The following PNPLA7 variants were observed in gnomAD, a reference collection of about 807,000 sequenced individuals.
PNPLA7 encodes the protein patatin-like phospholipase domain-containing protein 7.
In PNPLA7, 153 loss-of-function variants were observed where a neutral mutation model predicts 161.7. That is an observed-to-expected ratio of 0.95 (90% CI 0.83 to 1.08). The LOEUF (loss-of-function observed/expected upper bound fraction) is 1.08, where lower values mean the gene tolerates loss of function less well. Among genes scored for constraint, PNPLA7 ranks in the 50% least tolerant of loss-of-function variants. The pLI is 0.00. For synonymous variants in PNPLA7, 809 were observed against 782.1 expected (o/e 1.03, Z -0.57); for missense variants, 1,739 against 1,856.6 (o/e 0.94, Z 1.16).
chr9:137,533,796 C>T (rs772722707), intron 8 of PNPLA7, among the ~76,000 whole-genome samples: 1 of 140,722 alleles, frequency 7.1e-6, no homozygotes, highest in African/African-American at 2.7e-5. Flanking sequence ...CACTCCCAGA[C>T]TCCTCCCCAA....
In PNPLA7 at chr9:137,537,508, G is replaced by C. The variant is rs1564364966; in HGVS notation, c.747+3134C>G. On this transcript the variant is annotated intron_variant, in intron 8 of 34. Transcript: ENST00000406427. This position sits in a 1 kb window ranked among gnomAD's most constrained non-coding sequence, Gnocchi z 4.5. ...AATTTTTGTATTTTTAGTAGGGATG[G>C]GTTTCACCATGTTGGCCAGGATGGT... Among the ~76,000 whole-genome samples the C allele has an allele frequency of 6.6e-6, 1 of 152,104 alleles. No individual in the cohort carries two copies. The highest frequency in any genetic ancestry group is 1.9e-4 in the East Asian group (1 of 5,194).
At position 137,543,723 on chromosome 9, in the gene PNPLA7, C is replaced by G; in HGVS notation, c.365+1G>C. On this transcript the variant is annotated splice_donor_variant, in intron 5 of 34. Coordinates refer to ENST00000406427, the MANE Select transcript of PNPLA7 (RefSeq NM_001098537.3). LOFTEE classifies it high-confidence loss of function. This position sits in a 1 kb window ranked among gnomAD's most constrained non-coding sequence, Gnocchi z 6.9. ...GATGTGGTCTGAAGGACACACAGTA[C>G]CTCTTGGCCAAAGACAGCACCTTGG... is the stretch of plus-strand genomic sequence containing the variant. The G allele has an allele frequency of 6.2e-7, 1 of 1,613,930 alleles. No individual in the cohort carries two copies. The highest frequency in any genetic ancestry group is 8.5e-7 in the Non-Finnish European group (1 of 1,179,882).
At chr9:137,497,883 C>G (rs4962233) in intron 17 of PNPLA7, among the ~76,000 whole-genome samples, 3 of 151,730 alleles carry the variant, frequency 2.0e-5, no homozygotes, top group Admixed American at 2.0e-4. Context: ...CGGAGAGATG[C>G]TCATAGAACA....
intron 8 of PNPLA7, among the ~76,000 whole-genome samples, chr9:137,530,862 G>A (rs1030199723): frequency 6.6e-6 from 1 of 152,018 alleles, no homozygotes; most frequent in Non-Finnish European, 1.5e-5. Context: ...CTTCCTGCAC[G>A]AGGCCACATA....
At chr9:137,479,819 C>G in intron 23 of PNPLA7, 1 of 985,472 alleles carries the variant, frequency 1.0e-6, no homozygotes, top group Non-Finnish European at 1.2e-6. Flanking sequence ...CCTGCAGACA[C>G]AGCCTGGGGC....
Position 137,523,176 on chromosome 9 carries a change from G to A in PNPLA7, c.748-319C>T, listed in dbSNP as rs72765166. 0.01 allele frequency among the ~76,000 whole-genome samples: 1,592 copies of A among 152,226 alleles called. 67 individuals are homozygous for A. The highest frequency in any genetic ancestry group is 4.6e-3 in the Non-Finnish European group (311 of 67,992). ...ACTCCCACCTGCCACTGAGGCTCAC[G>A]GACCAGCTCACCAGCGTCCTACTCT... On this transcript the variant is annotated intron_variant, in intron 8 of 34. Coordinates refer to ENST00000406427, the MANE Select transcript of PNPLA7 (RefSeq NM_001098537.3). This position sits in a 1 kb window ranked among gnomAD's most constrained non-coding sequence, Gnocchi z 4.4.
rs1342807692 is a variant in PNPLA7 at position 137,464,172 on chromosome 9, G to A, written c.3180C>T (p.Ala1060=). The change falls in exon 28 of 35, where the codon GCC becomes GCT. Residue 1060 remains alanine (A), a synonymous_variant. Transcript: ENST00000406427. ...QIEDLWIPYF[A]ITTDITASAM... ...CCGAGGCTGTGATGTCGGTGGTGATGGCGAAATAAGGAATCCACAGGTCCT... is the reference window on the plus strand; with the variant it reads ...CCGAGGCTGTGATGTCGGTGGTGATAGCGAAATAAGGAATCCACAGGTCCT... The A allele has an allele frequency of 1.2e-6, 2 of 1,613,850 alleles. No homozygotes were observed. The highest frequency in any genetic ancestry group is 2.2e-5 in the South Asian group (2 of 91,058).
At chr9:137,496,752 G>A (rs1435841665) in intron 18 of PNPLA7, among the ~76,000 whole-genome samples, 2 of 152,076 alleles carry the variant, frequency 1.3e-5, no homozygotes, top group Admixed American at 6.5e-5. Flanking sequence ...AACACAAATC[G>A]GCAGAAGCCC....
At chr9:137,492,926 G>T in intron 20 of PNPLA7, 87 bp downstream of exon 20, 1 of 1,161,212 alleles carries the variant, frequency 8.6e-7, no homozygotes, top group East Asian at 2.7e-5. Flanking sequence ...CCATGGGCTG[G>T]GAGGGCGGGG....
At chr9:137,470,360 C>T (rs1049284026) in intron 25 of PNPLA7, among the ~76,000 whole-genome samples, 3 of 152,204 alleles carry the variant, frequency 2.0e-5, no homozygotes, top group African/African-American at 4.8e-5. Flanking sequence ...ATTCCTTATA[C>T]GTTTCATAAA....
rs1472235455 is a variant in PNPLA7 at position 137,468,568 on chromosome 9, T to A, written c.2883-1095A>T. Among the ~76,000 whole-genome samples, 1 of 152,182 alleles carries A rather than the reference T, an allele frequency of 6.6e-6. No homozygotes were observed. Among genetic ancestry groups the A allele is most frequent in the East Asian group, 1.9e-4 (1 of 5,184 alleles). ...CTGGAGGCATTTGCTGTGGTTTAGC[T>A]CTCTGTCCCCACCGAAATCTCATGT... On this transcript the variant is annotated intron_variant, in intron 25 of 34. Coordinates refer to ENST00000406427, the MANE Select transcript of PNPLA7 (RefSeq NM_001098537.3). This position sits in a 1 kb window ranked among gnomAD's most constrained non-coding sequence, Gnocchi z 4.0.
In PNPLA7 at chr9:137,523,748, T is replaced by C. The variant is rs892470342; in HGVS notation, c.748-891A>G. On this transcript the variant is annotated intron_variant, in intron 8 of 34. Coordinates refer to ENST00000406427, the MANE Select transcript of PNPLA7 (RefSeq NM_001098537.3). This position sits in a 1 kb window ranked among gnomAD's most constrained non-coding sequence, Gnocchi z 4.4. ...TTCACACCATTCTCCTGCCTCAGCC[T>C]CCACAGTAGCTGGGGCTACAAGCGC... Among the ~76,000 whole-genome samples, 11 of 151,958 alleles carry C rather than the reference T, an allele frequency of 7.2e-5. No homozygotes were observed. Among genetic ancestry groups the C allele is most frequent in the Admixed American group, 5.9e-4 (9 of 15,260 alleles).
At chr9:137,480,683 C>G in intron 22 of PNPLA7, 1 of 745,282 alleles carries the variant, frequency 1.3e-6, no homozygotes. Flanking sequence ...AGCCCAGAGG[C>G]TGAGGCTCGT....
chr9:137,547,618 C>T lies in PNPLA7; in HGVS notation c.72G>A (p.Leu24=). Residue 24 remains leucine (L), a synonymous_variant, in exon 2 of 35, where the codon CTG becomes CTA. Transcript: ENST00000406427. This position sits in a 1 kb window ranked among gnomAD's most constrained non-coding sequence, Gnocchi z 4.6. ...ACGGTGAACCTTCCTCCGTGAACCACAGTCCCCAAGAGTGCAGGGCGGTGC... is the reference window on the plus strand; with the variant it reads ...ACGGTGAACCTTCCTCCGTGAACCATAGTCCCCAAGAGTGCAGGGCGGTGC... The part of the protein sequence containing the change: ...CLGTALHSWG[L]WFTEEGSPST... 6 of 1,613,260 alleles carry T rather than the reference C, an allele frequency of 3.7e-6. No individual in the cohort carries two copies. The highest frequency in any genetic ancestry group is 5.1e-6 in the Non-Finnish European group (6 of 1,179,870).
At chr9:137,462,954 C>G (rs893170276) in intron 29 of PNPLA7, 121 bp from the exon 30 acceptor site, 2 of 1,355,168 alleles carry the variant, frequency 1.5e-6, no homozygotes, top group Non-Finnish European at 2.0e-6. Context: ...CGCCATTACA[C>G]CTTCTAGAGG....
chr9:137,491,169 G>T (rs1225098969), intron 20 of PNPLA7, among the ~76,000 whole-genome samples: 1 of 152,112 alleles, frequency 6.6e-6, no homozygotes, highest in African/African-American at 2.4e-5. Context: ...TGAGGGGGGG[G>T]GAATCACTTG....
chr9:137,542,667 C>A lies in PNPLA7; in HGVS notation c.641G>T (p.Arg214Leu), dbSNP rs764588920. 18 of 1,611,282 alleles carry A rather than the reference C, an allele frequency of 1.1e-5. No individual in the cohort carries two copies. Among genetic ancestry groups the A allele is most frequent in the African/African-American group, 1.3e-5 (1 of 74,870 alleles). Reference sequence around the variant, plus strand: ...AGTGTCCTGGATGCAGACCTCCAGCCGCCCGTCCTGCACCACACAGATGCT... The same window carrying A: ...AGTGTCCTGGATGCAGACCTCCAGCAGCCCGTCCTGCACCACACAGATGCT... ...DPSICVVQDG[R>L]LEVCIQDTDG... is the part of the protein sequence containing the mutation. Residue 214 changes from arginine (R) to leucine (L), a missense_variant, in exon 7 of 35, where the codon CGG (arginine) becomes CTG (leucine). Around this residue, in one of 6 missense-constraint regions of PNPLA7, gnomAD observed 152 missense variants for 193.5 expected, o/e 0.79. Transcript: ENST00000406427.
chr9:137,472,510 G>A (rs1180812980), intron 25 of PNPLA7, among the ~76,000 whole-genome samples: 1 of 151,426 alleles, frequency 6.6e-6, no homozygotes, highest in African/African-American at 2.4e-5. Flanking sequence ...AATTAGCTGG[G>A]TGTGCTGGTA....
chr9:137,491,884 G>A (rs960550841), intron 20 of PNPLA7: 10 of 985,442 alleles, frequency 1.0e-5, no homozygotes, highest in Non-Finnish European at 1.2e-5. Flanking sequence ...AAAAGGAAGC[G>A]GAAAGGGAGC....
Sources: gnomAD v4.1 joint callset for allele counts (sites outside exome capture counted in the v4.1 genomes callset) on GRCh38, gnomAD v4.1.1 for gene constraint, gnomAD v4.1.1 regional missense constraint, Gnocchi (gnomAD v3.1) non-coding constraint, MANE v1.5 for transcripts, NCBI Gene and HGNC (gene_info 2026-07-23, HGNC 2026-07-21) for gene names.